Variants in SLC39A11 observed in about 807,000 individuals in gnomAD.
SLC39A11 encodes the protein zinc transporter ZIP11.
In SLC39A11, 33 loss-of-function variants were observed where a neutral mutation model predicts 36.1. The ratio of observed to expected loss-of-function variants is 0.91; its 90% CI spans 0.69 to 1.22. The LOEUF is 1.22. Among genes scored for constraint, SLC39A11 ranks in the 50% most tolerant of loss-of-function variants. The pLI is 0.00. For missense variants in SLC39A11, 432 were observed against 430.3 expected, an observed-to-expected ratio of 1.00 and a Z score of -0.03; for synonymous variants, 166 against 170.3, an observed-to-expected ratio of 0.97 and a Z score of 0.20.
intron 6 of SLC39A11, among the ~76,000 whole-genome samples, chr17:72,815,547 G>C (rs574704494): frequency 6.6e-6 from 1 of 151,780 alleles, no homozygotes; most frequent in Non-Finnish European, 1.5e-5. Flanking sequence ...AACCCAGGAG[G>C]TGGAGGTTGC....
At chr17:72,893,719 T>C (rs1049751768) in intron 5 of SLC39A11, among the ~76,000 whole-genome samples, 2 of 152,050 alleles carry the variant, frequency 1.3e-5, no homozygotes, top group Non-Finnish European at 2.9e-5. Context: ...TAGAATAAGT[T>C]CAAAAGAAGA....
At chr17:73,071,940 T>C (rs146652306) in intron 3 of SLC39A11, among the ~76,000 whole-genome samples, 288 of 152,270 alleles carry the variant, frequency 1.9e-3, no homozygotes, top group African/African-American at 6.8e-3. Flanking sequence ...GTGACTGCAA[T>C]AGAGCAAGTT....
intron 3 of SLC39A11, among the ~76,000 whole-genome samples, chr17:73,035,731 G>A (rs1459826851): frequency 1.3e-5 from 2 of 151,826 alleles, no homozygotes; most frequent in Non-Finnish European, 2.9e-5. Context: ...GGGCATCGTG[G>A]CAGGCACCTG....
intron 3 of SLC39A11, among the ~76,000 whole-genome samples, chr17:73,047,990 A>AAAAAT (rs1555693446): frequency 1.5e-3 from 89 of 58,668 alleles, no homozygotes; most frequent in Non-Finnish European, 2.1e-3. Context: ...AAAAAAAAAA[A>AAAAAT]ATATATATAT....
rs562265088 is a variant in SLC39A11 at position 72,741,229 on chromosome 17, A to G, written c.602-4510T>C. 3.9e-5 allele frequency among the ~76,000 whole-genome samples: 6 copies of G among 152,052 alleles called. No homozygotes were observed. In the East Asian group the frequency reaches 7.8e-4, roughly 20 times the overall value. The stretch of plus-strand genomic sequence containing the variant: ...GTTTACAAAATGTTTTAATTTTTAA[A>G]AAAGTTTTTCATAGAGATGGTCTCA... On this transcript the variant is annotated intron_variant, in intron 6 of 9. Transcript: ENST00000255559.
At chr17:72,761,480 G>A (rs1474828920) in intron 6 of SLC39A11, among the ~76,000 whole-genome samples, 1 of 152,134 alleles carries the variant, frequency 6.6e-6, no homozygotes, top group Non-Finnish European at 1.5e-5. Context: ...AATGCCAAAC[G>A]TCAGCAGTAA....
At chr17:73,000,088 C>G (rs537347958) in intron 4 of SLC39A11, among the ~76,000 whole-genome samples, 30 of 152,238 alleles carry the variant, frequency 2.0e-4, no homozygotes, top group Admixed American at 1.2e-3. Flanking sequence ...GGGAATTGCC[C>G]ACTTTATGAG....
At chr17:73,067,468 G>A (rs183230382) in intron 3 of SLC39A11, among the ~76,000 whole-genome samples, 7 of 152,330 alleles carry the variant, frequency 4.6e-5, no homozygotes, top group Non-Finnish European at 7.3e-5. Context: ...CTGACTCCAT[G>A]AACCTATTTT....
At chr17:72,852,485 T>C (rs1017307583) in intron 5 of SLC39A11, among the ~76,000 whole-genome samples, 3 of 152,098 alleles carry the variant, frequency 2.0e-5, no homozygotes, top group Non-Finnish European at 4.4e-5. Context: ...GCTGTCTCAA[T>C]TGGATAGCAA....
chr17:72,969,434 T>C (rs930972055), intron 4 of SLC39A11, among the ~76,000 whole-genome samples: 11 of 152,080 alleles, frequency 7.2e-5, no homozygotes, highest in African/African-American at 2.7e-4. Context: ...AACAAGCCCC[T>C]GGGGACAAAA....
chr17:72,745,859 C>A (rs755934341), intron 6 of SLC39A11, among the ~76,000 whole-genome samples: 30 of 152,088 alleles, frequency 2.0e-4, no homozygotes, highest in Non-Finnish European at 4.4e-4. Context: ...CAGATAAGAC[C>A]CTGTGGAGGA....
chr17:72,998,142 A>G (rs565936989), intron 4 of SLC39A11, among the ~76,000 whole-genome samples: 1 of 152,296 alleles, frequency 6.6e-6, no homozygotes, highest in South Asian at 2.1e-4. Context: ...ATGTGTTTTG[A>G]TTGACGGCCC....
chr17:72,740,661 C>T (rs938212635), intron 6 of SLC39A11, among the ~76,000 whole-genome samples: 2 of 152,164 alleles, frequency 1.3e-5, no homozygotes, highest in African/African-American at 4.8e-5. Flanking sequence ...CTAAACATGA[C>T]GAAAACTACG....
intron 5 of SLC39A11, among the ~76,000 whole-genome samples, chr17:72,898,667 G>T (rs1288566810): frequency 6.6e-6 from 1 of 152,198 alleles, no homozygotes; most frequent in African/African-American, 2.4e-5. Context: ...ACACATATAT[G>T]CATGCACATA....
chr17:72,687,462 C>G (rs1311974449), intron 7 of SLC39A11, among the ~76,000 whole-genome samples: 1 of 152,212 alleles, frequency 6.6e-6, no homozygotes, highest in African/African-American at 2.4e-5. Context: ...CCAGGATGGT[C>G]TCGATCTCCT....
At chr17:73,059,643 G>A (rs1256111877) in intron 3 of SLC39A11, among the ~76,000 whole-genome samples, 2 of 125,532 alleles carry the variant, frequency 1.6e-5, no homozygotes, top group African/African-American at 6.1e-5. Context: ...CGACAAGACT[G>A]AAACTGTCTC....
intron 3 of SLC39A11, among the ~76,000 whole-genome samples, chr17:73,082,885 G>A (rs960117359): frequency 1.3e-5 from 2 of 151,762 alleles, no homozygotes; most frequent in East Asian, 3.9e-4. Flanking sequence ...GCGTGGTGGT[G>A]CACACCTGTA....
chr17:72,728,423 C>T (rs929076476), intron 7 of SLC39A11, among the ~76,000 whole-genome samples: 1 of 151,822 alleles, frequency 6.6e-6, no homozygotes, highest in African/African-American at 2.4e-5. Flanking sequence ...GCCTGAGTGA[C>T]AGAGTGAGAC....
In SLC39A11 at chr17:73,080,331, T is replaced by C. The variant is rs149100340; in HGVS notation, c.147+4477A>G. Among the ~76,000 whole-genome samples, 1,243 of 152,140 alleles carry C rather than the reference T, an allele frequency of 8.2e-3. 21 individuals are homozygous for C. The highest frequency in any genetic ancestry group is 0.059 in the South Asian group (282 of 4,814). On this transcript the variant is annotated intron_variant, in intron 3 of 9. Coordinates refer to ENST00000255559, the MANE Select transcript of SLC39A11 (RefSeq NM_139177.4). ...AGAATAGAGAACCCAGAAATAAAGGTAAATACTTACAGCCAACTGATCTTC... is the reference window on the plus strand; with the variant it reads ...AGAATAGAGAACCCAGAAATAAAGGCAAATACTTACAGCCAACTGATCTTC...
Sources: allele counts gnomAD v4.1 joint callset (sites outside exome capture counted in the v4.1 genomes callset), GRCh38; gene constraint gnomAD v4.1.1; transcripts MANE v1.5; gene names NCBI Gene and HGNC (gene_info 2026-07-23, HGNC 2026-07-21).